Variants in ERC1 observed in about 807,000 individuals in gnomAD.
The protein encoded by ERC1 is RAB6 interacting protein 2.
In ERC1, 56 loss-of-function variants were observed where a neutral mutation model predicts 132.0. That is an observed-to-expected ratio of 0.42 (90% CI 0.34 to 0.53). The LOEUF (loss-of-function observed/expected upper bound fraction) is 0.53. ERC1 is among the 20% of genes least tolerant of loss of function. ERC1 has a pLI of 0.03. For synonymous variants in ERC1, 478 were observed against 476.1 expected, an observed-to-expected ratio of 1.00 and a Z score of -0.05; for missense variants, 1,202 against 1,349.9, an observed-to-expected ratio of 0.89 and a Z score of 1.72.
intron 2 of ERC1, among the ~76,000 whole-genome samples, chr12:1,075,551 C>A (rs1941199163): frequency 6.6e-6 from 1 of 151,974 alleles, no homozygotes; most frequent in South Asian, 2.1e-4. Flanking sequence ...ATTAGCCAGG[C>A]GTGGTGGTGC....
At chr12:1,007,488 C>CTCTT (rs1555194743) in intron 1 of ERC1, among the ~76,000 whole-genome samples, 3 of 142,142 alleles carry the variant, frequency 2.1e-5, no homozygotes, top group Non-Finnish European at 4.5e-5. Flanking sequence ...CTCTCTCTCT[C>CTCTT]TCTCTTTCTC....
chr12:1,424,173 T>TA (rs1339369697), intron 17 of ERC1, among the ~76,000 whole-genome samples: 1 of 152,200 alleles, frequency 6.6e-6, no homozygotes, highest in Non-Finnish European at 1.5e-5. Context: ...GTCCTAGCCT[T>TA]CTAATAACTA....
chr12:1,068,789 G>A (rs527238856), intron 2 of ERC1, among the ~76,000 whole-genome samples: 17 of 152,090 alleles, frequency 1.1e-4, no homozygotes, highest in African/African-American at 3.6e-4. Context: ...TTTTCAACAG[G>A]GAACTTTCGC....
chr12:1,455,003 T>C (rs1339608019), intron 18 of ERC1, among the ~76,000 whole-genome samples: 8 of 152,214 alleles, frequency 5.3e-5, no homozygotes, highest in Admixed American at 3.3e-4. Flanking sequence ...AGGAAATAGA[T>C]TGAGGTAATG....
intron 16 of ERC1, among the ~76,000 whole-genome samples, chr12:1,401,313 A>G (rs2091048999): frequency 6.6e-6 from 1 of 152,196 alleles, no homozygotes; most frequent in African/African-American, 2.4e-5. Context: ...AAGTAGCACT[A>G]ATAGTAGCAG....
At chr12:1,128,992 G>A (rs7967813) in intron 7 of ERC1, among the ~76,000 whole-genome samples, 35,419 of 152,018 alleles carry the variant, frequency 0.23, 4,390 homozygotes, top group African/African-American at 0.3. Context: ...TGTAAATTGA[G>A]CCCAACTTAT....
At chr12:997,685 T>C (rs1028136214) in intron 1 of ERC1, among the ~76,000 whole-genome samples, 8 of 152,160 alleles carry the variant, frequency 5.3e-5, no homozygotes, top group African/African-American at 1.9e-4. Context: ...TGCTGCTGAA[T>C]AGCATGAGAA....
At chr12:1,248,834 A>C (rs1333074028) in intron 13 of ERC1, among the ~76,000 whole-genome samples, 2 of 152,174 alleles carry the variant, frequency 1.3e-5, no homozygotes, top group South Asian at 2.1e-4. Flanking sequence ...TAAGAAGCTC[A>C]CATTCTGGTA....
At chr12:1,016,107 T>C (rs887740884) in intron 1 of ERC1, among the ~76,000 whole-genome samples, 2 of 151,438 alleles carry the variant, frequency 1.3e-5, no homozygotes, top group African/African-American at 2.4e-5. Context: ...TTGAGATTTA[T>C]GTCAGAATTT....
At chr12:1,443,777 A>G (rs2093228019) in intron 17 of ERC1, 1 of 152,270 alleles carries the variant, frequency 6.6e-6, no homozygotes, top group African/African-American at 2.4e-5. Context: ...TCAGTCATTT[A>G]GTGTGCTTCC....
At chr12:1,125,738 C>T (rs1233266949) in intron 7 of ERC1, among the ~76,000 whole-genome samples, 1 of 152,140 alleles carries the variant, frequency 6.6e-6, no homozygotes, top group Non-Finnish European at 1.5e-5. Context: ...TCACTTGAAC[C>T]CAGGAGGCGG....
chr12:1,172,574 C>G (rs369104612), intron 8 of ERC1, among the ~76,000 whole-genome samples: 3 of 152,130 alleles, frequency 2.0e-5, no homozygotes, highest in African/African-American at 7.2e-5. Flanking sequence ...CACCCCCCTT[C>G]TATTATCATT....
At chr12:1,416,679 G>T (rs377719026) in intron 17 of ERC1, among the ~76,000 whole-genome samples, 1 of 152,130 alleles carries the variant, frequency 6.6e-6, no homozygotes, top group African/African-American at 2.4e-5. Context: ...TTGCTTTCAG[G>T]TCCTAGTCAG....
chr12:1,119,447 C>G (rs981119195), intron 7 of ERC1, among the ~76,000 whole-genome samples: 4 of 151,504 alleles, frequency 2.6e-5, no homozygotes, highest in Admixed American at 2.6e-4. Flanking sequence ...CAGACATAGG[C>G]TTGAAAACCA....
intron 13 of ERC1, among the ~76,000 whole-genome samples, chr12:1,243,368 T>C (rs2154307971): frequency 6.7e-6 from 1 of 150,368 alleles, no homozygotes; most frequent in Middle Eastern, 3.4e-3. Context: ...ACTGAGGTGC[T>C]ATGTAGGGAT....
intron 12 of ERC1, among the ~76,000 whole-genome samples, chr12:1,194,705 A>G (rs543754763): frequency 1.6e-4 from 25 of 152,346 alleles, no homozygotes; most frequent in African/African-American, 5.3e-4. Flanking sequence ...ATTTTACTCT[A>G]GTATGAGATT....
chr12:1,067,141 A>G (rs1036404611), intron 2 of ERC1, among the ~76,000 whole-genome samples: 2 of 152,168 alleles, frequency 1.3e-5, no homozygotes, highest in Non-Finnish European at 2.9e-5. Flanking sequence ...TACTTGCTCT[A>G]TGGACGATGT....
chr12:1,358,329 A>G (rs1355806558), intron 15 of ERC1, among the ~76,000 whole-genome samples: 1 of 151,848 alleles, frequency 6.6e-6, no homozygotes, highest in East Asian at 1.9e-4. Context: ...GATCAACATT[A>G]TGAGTGCCTG....
chr12:1,271,668 T>G (rs2077865786), intron 14 of ERC1, among the ~76,000 whole-genome samples: 1 of 152,234 alleles, frequency 6.6e-6, no homozygotes. Context: ...TCAAGCTACC[T>G]TTCCACATAG....
Sources: allele counts gnomAD v4.1 joint callset (sites outside exome capture counted in the v4.1 genomes callset), GRCh38; gene constraint gnomAD v4.1.1; transcripts MANE v1.5; gene names NCBI Gene and HGNC (gene_info 2026-07-23, HGNC 2026-07-21).